Variants in ASTN2 observed in about 807,000 individuals in gnomAD.
The protein encoded by ASTN2 is astrotactin 2, also known as astrotactin-2.
Under a neutral mutation model 139.8 loss-of-function variants are expected in ASTN2, and 54 were observed. The observed-to-expected ratio is 0.39, with a 90% confidence interval of 0.31 to 0.48. ASTN2 has a LOEUF of 0.48. Among genes scored for constraint, ASTN2 ranks in the 20% least tolerant of loss-of-function variants. ASTN2 has a pLI of 0.95. For missense variants in ASTN2, 1,565 were observed against 1,725.1 expected, an observed-to-expected ratio of 0.91 and a Z score of 1.64; for synonymous variants, 756 against 719.5, an observed-to-expected ratio of 1.05 and a Z score of -0.81.
chr9:117,360,398 G>A lies in ASTN2; in HGVS notation c.442+54099C>T, dbSNP rs150408490. ...CTAACCGAGCTGGTAGTCAGAGAGG[G>A]CCTCTCATTTTAAATGTTATATGGT... On this transcript the variant is annotated intron_variant, in intron 1 of 22. Coordinates refer to ENST00000313400, the MANE Select transcript of ASTN2 (RefSeq NM_001365068.1). 1.5e-3 allele frequency among the ~76,000 whole-genome samples: 232 copies of A among 152,182 alleles called. 1 individual carries two copies. Among genetic ancestry groups the A allele is most frequent in the African/African-American group, 5.0e-3 (208 of 41,510 alleles).
At chr9:116,640,179 T>C (rs1857260981) in intron 17 of ASTN2, among the ~76,000 whole-genome samples, 1 of 152,154 alleles carries the variant, frequency 6.6e-6, no homozygotes, top group African/African-American at 2.4e-5. Flanking sequence ...CCACAACTTT[T>C]TGCAAGGTGC....
Position 117,096,061 on chromosome 9 carries a change from C to A in ASTN2, c.1259G>T (p.Ser420Ile). 1.9e-6 allele frequency: 3 copies of A among 1,614,082 alleles called. No homozygotes were observed. The highest frequency in any genetic ancestry group is 2.5e-6 in the Non-Finnish European group (3 of 1,179,970). ...QLTFYTEQYR[S>I]RRRSKGLLKS... is the part of the protein sequence containing the mutation. ...ACTATTACCTTTGCTGCGGCGGCGA[C>A]TGCGGTACTGCTCCGTGTAGAATGT... is the stretch of plus-strand genomic sequence containing the variant. The change falls in exon 5 of 23, where the codon AGT (serine) becomes ATT (isoleucine). Residue 420 changes from serine to isoleucine, a missense_variant. Ser to Ile is a moderately radical substitution (Grantham distance 142, BLOSUM62 -2). Coordinates refer to ENST00000313400, the MANE Select transcript of ASTN2 (RefSeq NM_001365068.1).
chr9:116,686,879 A>G, intron 16 of ASTN2: 1 of 1,532,966 alleles, frequency 6.5e-7, no homozygotes, highest in Non-Finnish European at 8.8e-7. Context: ...CTTCCTAGGG[A>G]GTCCCGGTTC....
intron 10 of ASTN2, among the ~76,000 whole-genome samples, chr9:116,923,043 A>T (rs571876752): frequency 1.3e-5 from 2 of 152,300 alleles, no homozygotes; most frequent in South Asian, 4.1e-4. Context: ...AACAAACCCC[A>T]ACAGGTAAGG....
chr9:117,164,367 A>G (rs1340764580), intron 3 of ASTN2, among the ~76,000 whole-genome samples: 1 of 152,108 alleles, frequency 6.6e-6, no homozygotes, highest in Non-Finnish European at 1.5e-5. Flanking sequence ...TTATGGATTC[A>G]TACTCCAGGG....
intron 3 of ASTN2, among the ~76,000 whole-genome samples, chr9:117,188,670 C>A (rs546337479): frequency 6.6e-6 from 1 of 152,138 alleles, no homozygotes; most frequent in Admixed American, 6.6e-5. Flanking sequence ...AGCATTCATT[C>A]CACGGATGAG....
chr9:117,139,891 T>A (rs978078154), intron 4 of ASTN2, among the ~76,000 whole-genome samples: 4 of 152,206 alleles, frequency 2.6e-5, no homozygotes, highest in Non-Finnish European at 5.9e-5. Flanking sequence ...ATTTCATTAG[T>A]GTATCAGGTT....
At chr9:116,512,670 A>T (rs985588939) in intron 19 of ASTN2, among the ~76,000 whole-genome samples, 1 of 152,168 alleles carries the variant, frequency 6.6e-6, no homozygotes, top group Non-Finnish European at 1.5e-5. Flanking sequence ...GACTTGCTTT[A>T]TGAATCTGGG....
At chr9:117,341,257 G>GT (rs199950527) in intron 1 of ASTN2, among the ~76,000 whole-genome samples, 16 of 151,838 alleles carry the variant, frequency 1.1e-4, no homozygotes, top group Middle Eastern at 3.4e-3. Flanking sequence ...GAATCAAATC[G>GT]TTTTTTTTCC....
intron 10 of ASTN2, among the ~76,000 whole-genome samples, chr9:116,951,218 T>A (rs899440349): frequency 6.6e-6 from 1 of 151,634 alleles, no homozygotes; most frequent in Non-Finnish European, 1.5e-5. Flanking sequence ...ACGCCTGTAA[T>A]CCCAGCTACT....
At chr9:116,689,842 C>A (rs1275987394) in intron 16 of ASTN2, among the ~76,000 whole-genome samples, 2 of 152,076 alleles carry the variant, frequency 1.3e-5, no homozygotes, top group Non-Finnish European at 2.9e-5. Context: ...TGAGGTGCAA[C>A]GGACTATAGG....
chr9:116,557,556 G>A (rs2131650330), intron 19 of ASTN2: 1 of 152,280 alleles, frequency 6.6e-6, no homozygotes, highest in African/African-American at 2.4e-5. Flanking sequence ...TAAATGCCAA[G>A]AGATGGATGG....
At chr9:117,124,608 G>A (rs536410179) in intron 4 of ASTN2, among the ~76,000 whole-genome samples, 4 of 152,252 alleles carry the variant, frequency 2.6e-5, no homozygotes, top group Non-Finnish European at 5.9e-5. Context: ...GTGAAGGAAA[G>A]GAGGCACTGC....
chr9:116,449,924 G>C (rs1263120836), intron 20 of ASTN2, among the ~76,000 whole-genome samples: 1 of 152,164 alleles, frequency 6.6e-6, no homozygotes, highest in East Asian at 1.9e-4. Context: ...GTTACTCCCA[G>C]CTTTTGAATT....
At chr9:116,605,590 T>G (rs10435875) in intron 19 of ASTN2, among the ~76,000 whole-genome samples, 73,899 of 151,558 alleles carry the variant, frequency 0.49, 18,250 homozygotes, top group East Asian at 0.7. Context: ...AGGGTGGCGG[T>G]TTCAATGCTT....
chr9:116,910,731 T>C (rs766015389), intron 10 of ASTN2, among the ~76,000 whole-genome samples: 2 of 152,190 alleles, frequency 1.3e-5, no homozygotes, highest in East Asian at 1.9e-4. Context: ...CAGTAGTTAA[T>C]AGACTTGATT....
At chr9:116,494,584 A>G (rs987706979) in intron 19 of ASTN2, among the ~76,000 whole-genome samples, 2 of 152,184 alleles carry the variant, frequency 1.3e-5, no homozygotes, top group African/African-American at 4.8e-5. Flanking sequence ...AAAAAGAGGG[A>G]AATAAAAATG....
intron 7 of ASTN2, among the ~76,000 whole-genome samples, chr9:116,988,390 G>C (rs1019565765): frequency 5.9e-5 from 9 of 152,266 alleles, no homozygotes; most frequent in Admixed American, 5.9e-4. Context: ...TAGGGAGCTG[G>C]TGGCTTTCCT....
At chr9:116,463,120 C>T (rs984527885) in intron 20 of ASTN2, among the ~76,000 whole-genome samples, 1 of 152,116 alleles carries the variant, frequency 6.6e-6, no homozygotes, top group Non-Finnish European at 1.5e-5. Context: ...TATACTTCAA[C>T]AATTTCTCAA....
Sources: allele counts gnomAD v4.1 joint callset (sites outside exome capture counted in the v4.1 genomes callset), GRCh38; gene constraint gnomAD v4.1.1; transcripts MANE v1.5; gene names NCBI Gene and HGNC (gene_info 2026-07-23, HGNC 2026-07-21).